Variants in ADGRL3 observed in about 807,000 individuals in gnomAD.
ADGRL3 encodes the protein calcium-independent alpha-latrotoxin receptor 3.
In ADGRL3, 62 loss-of-function variants were observed where a neutral mutation model predicts 153.5. The ratio of observed to expected loss-of-function variants is 0.40; its 90% CI spans 0.33 to 0.50. The LOEUF (loss-of-function observed/expected upper bound fraction) is 0.50. ADGRL3 is among the 20% of genes least tolerant of loss of function. ADGRL3 has a pLI of 0.47. For synonymous variants in ADGRL3, 710 were observed against 672.5 expected, an observed-to-expected ratio of 1.06 and a Z score of -0.86; for missense variants, 1,641 against 1,859.4, an observed-to-expected ratio of 0.88 and a Z score of 2.16.
intron 8 of ADGRL3, among the ~76,000 whole-genome samples, chr4:61,743,433 A>G (rs1450163471): frequency 2.6e-5 from 4 of 151,960 alleles, no homozygotes; most frequent in Admixed American, 2.6e-4. Context: ...TCTGAAAATT[A>G]TCTCTAATGC....
chr4:61,973,992 AGGTCTG>A (rs1179718702), intron 17 of ADGRL3, among the ~76,000 whole-genome samples: 2 of 152,060 alleles, frequency 1.3e-5, no homozygotes, highest in Non-Finnish European at 2.9e-5. Flanking sequence ...CTCCCAGACA[AGGTCTG>A]GGTCTGTCAC....
At chr4:61,295,386 A>G (rs2094374676) in intron 1 of ADGRL3, among the ~76,000 whole-genome samples, 1 of 152,090 alleles carries the variant, frequency 6.6e-6, no homozygotes, top group Admixed American at 6.5e-5. Context: ...TATGTATAGG[A>G]GAAACACCAT....
At chr4:61,435,590 G>A (rs2097434434) in intron 2 of ADGRL3, among the ~76,000 whole-genome samples, 1 of 152,026 alleles carries the variant, frequency 6.6e-6, no homozygotes, top group African/African-American at 2.4e-5. Flanking sequence ...ATATATTTTT[G>A]TTGAAGTCTA....
intron 2 of ADGRL3, among the ~76,000 whole-genome samples, chr4:61,406,571 T>A (rs980469247): frequency 6.6e-6 from 1 of 151,878 alleles, no homozygotes; most frequent in Non-Finnish European, 1.5e-5. Flanking sequence ...AAGTGGGATG[T>A]TATGTCATTC....
At chr4:61,541,447 T>G (rs1485142061) in intron 4 of ADGRL3, among the ~76,000 whole-genome samples, 2 of 149,238 alleles carry the variant, frequency 1.3e-5, no homozygotes, top group Admixed American at 1.4e-4. Context: ...ATCCCATGCA[T>G]GCAGGCTGCC....
intron 1 of ADGRL3, among the ~76,000 whole-genome samples, chr4:61,382,307 T>A (rs1006179845): frequency 6.6e-6 from 1 of 151,248 alleles, no homozygotes; most frequent in Non-Finnish European, 1.5e-5. Flanking sequence ...CTTTGTGTAG[T>A]CACAAACTAG....
intron 17 of ADGRL3, among the ~76,000 whole-genome samples, chr4:61,956,620 G>A (rs998288313): frequency 6.6e-6 from 1 of 152,092 alleles, no homozygotes; most frequent in African/African-American, 2.4e-5. Flanking sequence ...CCATGCTTAT[G>A]TCCCAAACGG....
chr4:61,523,276 GA>G (rs1165011880), intron 4 of ADGRL3, among the ~76,000 whole-genome samples: 1 of 152,082 alleles, frequency 6.6e-6, no homozygotes, highest in Non-Finnish European at 1.5e-5. Context: ...TATTTTAACA[GA>G]AGAACAGGGA....
At chr4:61,986,042 G>A (rs542663900) in intron 19 of ADGRL3, among the ~76,000 whole-genome samples, 1 of 150,886 alleles carries the variant, frequency 6.6e-6, no homozygotes, top group African/African-American at 2.4e-5. Flanking sequence ...ATAAAATTCA[G>A]TCTTTAAAGC....
intron 1 of ADGRL3, among the ~76,000 whole-genome samples, chr4:61,307,167 A>C (rs575180059): frequency 7.2e-5 from 11 of 152,204 alleles, no homozygotes; most frequent in Non-Finnish European, 1.5e-4. Flanking sequence ...AAAATGAAAA[A>C]TCAGACCACA....
At chr4:62,020,588 T>A (rs2099233401) in intron 21 of ADGRL3, among the ~76,000 whole-genome samples, 2 of 152,134 alleles carry the variant, frequency 1.3e-5, no homozygotes, top group South Asian at 4.1e-4. Flanking sequence ...CAAATATAAA[T>A]GTGTATATAC....
intron 9 of ADGRL3, among the ~76,000 whole-genome samples, chr4:61,865,506 T>C (rs2098391755): frequency 6.6e-6 from 1 of 152,306 alleles, no homozygotes; most frequent in South Asian, 2.1e-4. Context: ...GACTGTACCA[T>C]ATGCTTTCGT....
intron 5 of ADGRL3, among the ~76,000 whole-genome samples, chr4:61,645,564 T>G (rs974721073): frequency 6.6e-6 from 1 of 152,170 alleles, no homozygotes; most frequent in Non-Finnish European, 1.5e-5. Context: ...TGGCTGGATA[T>G]GAAATTCTGG....
In ADGRL3 at chr4:61,947,114, C is replaced by T; in HGVS notation, c.2620C>T (p.His874Tyr). 1 of 1,612,678 alleles carries T rather than the reference C, an allele frequency of 6.2e-7. No individual in the cohort carries two copies. The highest frequency in any genetic ancestry group is 2.2e-5 in the East Asian group (1 of 44,832). Residue 874 changes from histidine to tyrosine, a missense_variant, in exon 16 of 27, where the codon CAT becomes TAT. This residue lies in a region of ADGRL3 where 734 missense variants were observed against 797.0 expected (regional missense o/e 0.92). Coordinates refer to ENST00000683033, the MANE Select transcript of ADGRL3 (RefSeq NM_001387552.1). ...LADPVVFTVKHIKQSEENFNP... is the reference protein window; with the variant it reads ...LADPVVFTVKYIKQSEENFNP... ...TGATCCTGTGGTATTTACTGTTAAA[C>T]ATATCAAGGTAAGAAAATGGCATAT...
intron 5 of ADGRL3, among the ~76,000 whole-genome samples, chr4:61,628,015 G>A (rs967178466): frequency 1.3e-5 from 2 of 152,088 alleles, no homozygotes; most frequent in African/African-American, 4.8e-5. Flanking sequence ...GTGTTACAGA[G>A]TAACTCTCCT....
At chr4:61,722,319 C>T (rs971321185) in intron 6 of ADGRL3, among the ~76,000 whole-genome samples, 8 of 152,088 alleles carry the variant, frequency 5.3e-5, no homozygotes, top group African/African-American at 1.9e-4. Context: ...GTGAATTAAT[C>T]TTGGAACGGT....
rs60772077 is a variant in ADGRL3, at chr4:61,768,891, C to T, written c.1399+35337C>T. On this transcript the variant is annotated intron_variant, in intron 8 of 26. Coordinates refer to ENST00000683033, the MANE Select transcript of ADGRL3 (RefSeq NM_001387552.1). ...GGCACAGAGATAAGAGGTCAGGGTG[C>T]GGAAATAAGGGATTGGGGTGCAGAG... is the stretch of plus-strand genomic sequence containing the variant. Among the ~76,000 whole-genome samples, 73 of 150,808 alleles carry T rather than the reference C, an allele frequency of 4.8e-4. 1 individual carries two copies. In the East Asian group the frequency reaches 6.7e-3, roughly 14 times the overall value.
intron 1 of ADGRL3, among the ~76,000 whole-genome samples, chr4:61,277,536 G>GT (rs1340823709): frequency 6.6e-6 from 1 of 151,924 alleles, no homozygotes; most frequent in Admixed American, 6.6e-5. Flanking sequence ...TTTAGGTAGA[G>GT]TCAGCATCTT....
intron 5 of ADGRL3, among the ~76,000 whole-genome samples, chr4:61,674,515 T>C (rs1432444438): frequency 6.6e-6 from 1 of 151,728 alleles, no homozygotes; most frequent in African/African-American, 2.4e-5. Flanking sequence ...TAGACCAAGA[T>C]AGGAAGAAAA....
Sources: allele counts gnomAD v4.1 joint callset (sites outside exome capture counted in the v4.1 genomes callset), GRCh38; gene constraint gnomAD v4.1.1; regional missense constraint gnomAD v4.1.1; transcripts MANE v1.5; gene names NCBI Gene and HGNC (gene_info 2026-07-23, HGNC 2026-07-21).